The following RIPOR2 variants were observed in gnomAD, a reference collection of about 807,000 sequenced individuals.
The protein encoded by RIPOR2 is rho family-interacting cell polarization regulator 2.
RIPOR2 carries 39 observed loss-of-function variants against 114.5 expected under a neutral mutation model. That is an observed-to-expected ratio of 0.34 (90% CI 0.26 to 0.44). The LOEUF (loss-of-function observed/expected upper bound fraction) is 0.44, where lower values mean the gene tolerates loss of function less well. Among genes scored for constraint, RIPOR2 ranks in the 20% least tolerant of loss-of-function variants. The probability of loss-of-function intolerance (pLI) is 1.00; values close to 1 mark genes in which losing one functional copy is unlikely to be tolerated. For missense variants in RIPOR2, 1,007 were observed against 1,255.1 expected (o/e 0.80, Z 2.99); for synonymous variants, 445 against 484.4 (o/e 0.92, Z 1.07).
intron 9 of RIPOR2, among the ~76,000 whole-genome samples, chr6:24,851,539 C>T (rs1237053083): frequency 6.6e-6 from 1 of 152,056 alleles, no homozygotes; most frequent in East Asian, 1.9e-4. Context: ...GAAGATACAC[C>T]CTCACCCCCT....
intron 1 of RIPOR2, among the ~76,000 whole-genome samples, chr6:24,909,849 C>A (rs898345880): frequency 1.3e-5 from 2 of 152,108 alleles, no homozygotes; most frequent in Admixed American, 1.3e-4. Context: ...GACCTACGAG[C>A]CTACCAATCT....
At chr6:24,903,747 G>A (rs1768695590) in intron 1 of RIPOR2, among the ~76,000 whole-genome samples, 1 of 152,110 alleles carries the variant, frequency 6.6e-6, no homozygotes, top group South Asian at 2.1e-4. Flanking sequence ...GGTAAAACAG[G>A]CAACTATTCT....
At chr6:25,024,526 CTG>C in intron 1 of RIPOR2, 1 of 661,356 alleles carries the variant, frequency 1.5e-6, no homozygotes, top group Non-Finnish European at 2.7e-6. Context: ...CGTCTGGAAT[CTG>C]TCTTCAGGGT....
chr6:24,959,758 G>C (rs978439476), intron 1 of RIPOR2, among the ~76,000 whole-genome samples: 1 of 152,068 alleles, frequency 6.6e-6, no homozygotes, highest in African/African-American at 2.4e-5. Context: ...ACCAACTGCC[G>C]GCATGTCCTC....
chr6:24,825,122 G>A (rs998376412), intron 19 of RIPOR2, 104 bp downstream of exon 19: 15 of 837,986 alleles, frequency 1.8e-5, no homozygotes, highest in South Asian at 5.5e-5. Flanking sequence ...TTATTAATAC[G>A]CAGAAAAATT....
At chr6:24,915,407 T>C (rs932246584) in intron 1 of RIPOR2, among the ~76,000 whole-genome samples, 9 of 149,726 alleles carry the variant, frequency 6.0e-5, no homozygotes, top group Admixed American at 1.4e-4. Flanking sequence ...CAGGCTGGAG[T>C]GCAGTGGCAC....
intron 7 of RIPOR2, among the ~76,000 whole-genome samples, chr6:24,863,077 C>G (rs1190174165): frequency 2.0e-5 from 3 of 152,004 alleles, no homozygotes; most frequent in Non-Finnish European, 4.4e-5. Context: ...CTCAGCCTCA[C>G]GAGTAGCTGG....
At position 24,818,645 on chromosome 6, in the gene RIPOR2, C is replaced by T; in HGVS notation, c.2869-20G>A. On this transcript the variant is annotated intron_variant, in intron 19 of 21. Coordinates refer to ENST00000643898, the MANE Select transcript of RIPOR2 (RefSeq NM_001286445.3). ...CAAGGCCTGAAAGAGAAGGAGGGACCTCATGAAGGCATTTTGGTTTGTTCG... is the reference window on the plus strand; with the variant it reads ...CAAGGCCTGAAAGAGAAGGAGGGACTTCATGAAGGCATTTTGGTTTGTTCG... 2.7e-6 allele frequency: 4 copies of T among 1,503,094 alleles called. No individual in the cohort carries two copies. Among genetic ancestry groups the T allele is most frequent in the Non-Finnish European group, 3.6e-6 (4 of 1,109,294 alleles). 93.1% of individuals were successfully genotyped at this position (1,503,094 alleles called of 1,614,324 possible). A position where few individuals can be genotyped will look rare whatever the true frequency, so the allele number is the denominator to read the frequency against.
chr6:24,971,776 C>A (rs1372624384), intron 1 of RIPOR2, among the ~76,000 whole-genome samples: 1 of 152,208 alleles, frequency 6.6e-6, no homozygotes, highest in Admixed American at 6.5e-5. Context: ...GAGCACTGAA[C>A]TCCAAATCCC....
chr6:24,841,660 C>A (rs187976760), intron 13 of RIPOR2, among the ~76,000 whole-genome samples: 4 of 150,004 alleles, frequency 2.7e-5, no homozygotes, highest in Admixed American at 2.7e-4. Context: ...CTTTTTCACC[C>A]AGGCTGGAGT....
intron 1 of RIPOR2, among the ~76,000 whole-genome samples, chr6:24,991,593 G>A (rs1380157731): frequency 1.3e-5 from 2 of 152,098 alleles, no homozygotes; most frequent in Non-Finnish European, 2.9e-5. Flanking sequence ...TCCCACCTAT[G>A]GGTTTAGGTT....
At chr6:24,947,419 C>T (rs1179339357) in intron 1 of RIPOR2, among the ~76,000 whole-genome samples, 2 of 152,134 alleles carry the variant, frequency 1.3e-5, no homozygotes, top group Admixed American at 1.3e-4. Context: ...AGGCTCAACC[C>T]TGAATGTACC....
chr6:24,861,540 G>A (rs1764073090), intron 7 of RIPOR2, among the ~76,000 whole-genome samples: 1 of 152,208 alleles, frequency 6.6e-6, no homozygotes, highest in Admixed American at 6.5e-5. Flanking sequence ...CTTGGTTGTA[G>A]TAATGGTATG....
chr6:24,930,836 C>G (rs1336594074), intron 1 of RIPOR2, among the ~76,000 whole-genome samples: 2 of 152,260 alleles, frequency 1.3e-5, no homozygotes, highest in African/African-American at 4.8e-5. Flanking sequence ...CAGCCTCTTT[C>G]TGCCCCTTTT....
intron 1 of RIPOR2, among the ~76,000 whole-genome samples, chr6:25,038,900 G>A (rs1045916308): frequency 3.3e-5 from 5 of 152,228 alleles, no homozygotes; most frequent in African/African-American, 1.2e-4. Flanking sequence ...CACTATATTA[G>A]AAAGGATTCC....
chr6:25,025,166 C>T (rs927438601), intron 1 of RIPOR2, among the ~76,000 whole-genome samples: 1 of 152,176 alleles, frequency 6.6e-6, no homozygotes, highest in Non-Finnish European at 1.5e-5. Flanking sequence ...CCCTCTCTGT[C>T]TCACGCCTGC....
At chr6:25,035,086 C>T (rs1006292906) in intron 1 of RIPOR2, among the ~76,000 whole-genome samples, 1 of 152,092 alleles carries the variant, frequency 6.6e-6, no homozygotes, top group Non-Finnish European at 1.5e-5. Context: ...ACACTAGGGT[C>T]CCTAAAACAA....
chr6:25,036,311 C>G lies in RIPOR2; in HGVS notation c.76+5540G>C, dbSNP rs145658158. 3.1e-3 allele frequency among the ~76,000 whole-genome samples: 471 copies of G among 152,324 alleles called. 4 individuals are homozygous for G. The highest frequency in any genetic ancestry group is 0.011 in the African/African-American group (442 of 41,578). On this transcript the variant is annotated intron_variant, in intron 1 of 13. Coordinates refer to the RIPOR2 transcript ENST00000510784. The stretch of plus-strand genomic sequence containing the variant: ...ACAGAGAAAACTCATTTCCATTCCT[C>G]TGATTGGAGTCCACAAAAAGTGCTA...
intron 1 of RIPOR2, among the ~76,000 whole-genome samples, chr6:24,974,547 C>T (rs931576739): frequency 3.9e-5 from 6 of 152,116 alleles, no homozygotes; most frequent in African/African-American, 1.4e-4. Flanking sequence ...AAACTGGAGC[C>T]CCTATACATT....
Sources: gnomAD v4.1 joint callset for allele counts (sites outside exome capture counted in the v4.1 genomes callset) on GRCh38, gnomAD v4.1.1 for gene constraint, MANE v1.5 for transcripts, NCBI Gene and HGNC (gene_info 2026-07-23, HGNC 2026-07-21) for gene names.